SRP19: variants seen among roughly 807,000 people sequenced by gnomAD.
The protein encoded by SRP19 is signal recognition particle 19 kDa protein.
Under a neutral mutation model 22.4 loss-of-function variants are expected in SRP19, and 11 were observed. The ratio of observed to expected loss-of-function variants is 0.49; its 90% CI spans 0.31 to 0.81. SRP19 has a LOEUF of 0.81. Among genes scored for constraint, SRP19 ranks in the 40% least tolerant of loss-of-function variants. SRP19 has a pLI of 0.05. For missense variants in SRP19, 168 were observed against 175.9 expected, an observed-to-expected ratio of 0.96 and a Z score of 0.25; for synonymous variants, 61 against 57.6, an observed-to-expected ratio of 1.06 and a Z score of -0.27.
At chr5:112,861,915 A>G (rs1289174824) in intron 1 of SRP19, among the ~76,000 whole-genome samples, 1 of 152,204 alleles carries the variant, frequency 6.6e-6, no homozygotes, top group Non-Finnish European at 1.5e-5. Flanking sequence ...GTAGTGGATA[A>G]AGTTTATTTT....
In SRP19 at chr5:112,878,928, T is replaced by A. The variant is rs182499717; in HGVS notation, c.302-12675T>A. 441 of 1,589,330 alleles carry A rather than the reference T, an allele frequency of 2.8e-4. 1 individual carries two copies. The highest frequency in any genetic ancestry group is 3.6e-4 in the Non-Finnish European group (421 of 1,161,874). ...CTTTGTGCCTAATGTAGCTACTAGA[T>A]AACAAAACTTGGATGACTCATGTTC... is the stretch of plus-strand genomic sequence containing the variant. On this transcript the variant is annotated intron_variant, in intron 4 of 4. Coordinates refer to the SRP19 transcript ENST00000391338.
downstream of SRP19, chr5:112,896,445 T>A (rs1229577409): frequency 6.6e-6 from 1 of 151,300 alleles, no homozygotes; most frequent in African/African-American, 2.4e-5. Flanking sequence ...ATTGCTTGAA[T>A]GCGGGAAGTA....
chr5:112,894,168 C>A (rs575350787), downstream of SRP19: 2 of 148,248 alleles, frequency 1.3e-5, no homozygotes, highest in Admixed American at 1.4e-4. Flanking sequence ...TGTTGCCAGG[C>A]GGGAGTGCAG....
rs1307455608 is a variant in SRP19, at chr5:112,867,525, G to A, written c.423G>A (p.Lys141=). The part of the protein sequence containing the change: ...QGEGSKKGKG[K]KKK ...AGGGAAGTAAAAAAGGGAAAGGAAAGAAAAAGAAGTAACCTAGTATCAGCA... is the reference window on the plus strand; with the variant it reads ...AGGGAAGTAAAAAAGGGAAAGGAAAAAAAAAGAAGTAACCTAGTATCAGCA... The change falls in exon 5 of 5, where the codon AAG becomes AAA. Residue 141 remains lysine (K), a synonymous_variant. Transcript: ENST00000505459. 2 of 1,610,312 alleles carry A rather than the reference G, an allele frequency of 1.2e-6. No individual in the cohort carries two copies. The highest frequency in any genetic ancestry group is 1.1e-5 in the South Asian group (1 of 90,796).
chr5:112,875,649 C>T (rs542700629), intron 4 of SRP19, among the ~76,000 whole-genome samples: 5 of 152,126 alleles, frequency 3.3e-5, no homozygotes, highest in South Asian at 2.1e-4. Context: ...ATTACAGGTC[C>T]GCTAGGCCAG....
At chr5:112,875,327 C>T (rs1246130999) in intron 4 of SRP19, among the ~76,000 whole-genome samples, 2 of 151,704 alleles carry the variant, frequency 1.3e-5, no homozygotes, top group Admixed American at 6.6e-5. Context: ...GGTGACCGTG[C>T]GGACCAGCGC....
At chr5:112,865,421 A>G (rs1049185121) in intron 4 of SRP19, among the ~76,000 whole-genome samples, 4 of 152,224 alleles carry the variant, frequency 2.6e-5, no homozygotes, top group African/African-American at 9.6e-5. Context: ...TCTGAATATT[A>G]GGAAGATAAG....
chr5:112,867,246 C>G (rs1474429370), intron 4 of SRP19, 158 bp from the exon 5 acceptor site: 7 of 729,684 alleles, frequency 9.6e-6, no homozygotes, highest in Non-Finnish European at 1.3e-5. Flanking sequence ...CCGACTTGAG[C>G]TAGTCAGTGT....
chr5:112,895,928 T>A (rs780011933), downstream of SRP19: 7 of 152,208 alleles, frequency 4.6e-5, no homozygotes, highest in Non-Finnish European at 7.3e-5. Flanking sequence ...AACTGGACTC[T>A]TGGCACTATT....
chr5:112,890,908 A>C (rs11241187), intron 4 of SRP19, among the ~76,000 whole-genome samples: 3,331 of 150,640 alleles, frequency 0.022, 303 homozygotes, highest in African/African-American at 0.078. Context: ...TTACCCCTAT[A>C]ATTTTGTAAG....
At chr5:112,862,926 G>C (rs1767462487) in intron 2 of SRP19, among the ~76,000 whole-genome samples, 1 of 152,200 alleles carries the variant, frequency 6.6e-6, no homozygotes, top group African/African-American at 2.4e-5. Context: ...CATTAATAAT[G>C]TTCAGAATGT....
At chr5:112,875,745 TAAAA>T (rs1767878874) in intron 4 of SRP19, among the ~76,000 whole-genome samples, 1 of 151,028 alleles carries the variant, frequency 6.6e-6, no homozygotes, top group Non-Finnish European at 1.5e-5. Context: ...GAGGCACATG[TAAAA>T]AGTTTACTAC....
intron 4 of SRP19, chr5:112,882,171 C>T (rs1168288351): frequency 6.5e-6 from 1 of 152,754 alleles, no homozygotes; most frequent in African/African-American, 2.4e-5. Flanking sequence ...TCCAATAACC[C>T]TTATATTCCA....
chr5:112,866,007 C>G (rs2150026733), intron 4 of SRP19, among the ~76,000 whole-genome samples: 1 of 152,334 alleles, frequency 6.6e-6, no homozygotes, highest in South Asian at 2.1e-4. Context: ...CAGGCGTTTG[C>G]CACCATGCCC....
chr5:112,892,949 ACCAGGGCCGCCGGAG>A, exon 5 of SRP19: 1 of 1,598,102 alleles, frequency 6.3e-7, no homozygotes, highest in South Asian at 1.1e-5. Context: ...CGCAGCTGGG[ACCAGGGCCGCCGGAG>A]CCAGAGCCGC....
chr5:112,882,815 T>G (rs1768120722), intron 4 of SRP19, among the ~76,000 whole-genome samples: 1 of 152,242 alleles, frequency 6.6e-6, no homozygotes, highest in Admixed American at 6.5e-5. Flanking sequence ...ATTTCATACC[T>G]TCTCTTTCCA....
chr5:112,892,586 T>C lies in SRP19; in HGVS notation c.*979T>C, dbSNP rs1469604071. ...CCAGTGACCCGGTGGAAAATGGCGA[T>C]TTGTGGTTTATTTGAAATACAACAA... is the stretch of plus-strand genomic sequence containing the variant. On this transcript the variant is annotated 3_prime_UTR_variant, in exon 5 of 5. Transcript: ENST00000391338. 8 of 1,614,132 alleles carry C rather than the reference T, an allele frequency of 5.0e-6. No homozygotes were observed. In the South Asian group the frequency reaches 8.8e-5, roughly 18 times the overall value.
At chr5:112,886,580 T>C (rs1218799593) in intron 4 of SRP19, among the ~76,000 whole-genome samples, 1 of 152,182 alleles carries the variant, frequency 6.6e-6, no homozygotes, top group African/African-American at 2.4e-5. Flanking sequence ...TTTTGTAAAA[T>C]TATAGAAATT....
At chr5:112,894,977 GC>G (rs1561652825), downstream of SRP19, 4 of 152,194 alleles carry the variant, frequency 2.6e-5, no homozygotes, top group African/African-American at 9.7e-5. Context: ...AGTGGCTTAC[GC>G]CTGTAATCCC....
Sources: gnomAD v4.1 joint callset for allele counts (sites outside exome capture counted in the v4.1 genomes callset) on GRCh38, gnomAD v4.1.1 for gene constraint, MANE v1.5 for transcripts, NCBI Gene and HGNC (gene_info 2026-07-23, HGNC 2026-07-21) for gene names.